The following PCSK2 variants were observed in gnomAD, a reference collection of about 807,000 sequenced individuals.
PCSK2 encodes the protein proprotein convertase subtilisin/kexin type 2, also known as neuroendocrine convertase 2.
PCSK2 carries 14 observed loss-of-function variants against 69.7 expected under a neutral mutation model. The ratio of observed to expected loss-of-function variants is 0.20; its 90% CI spans 0.13 to 0.31. The LOEUF is 0.31. Among genes scored for constraint, PCSK2 ranks in the 10% least tolerant of loss-of-function variants. The pLI is 1.00. For synonymous variants in PCSK2, 307 were observed against 320.7 expected (o/e 0.96, Z 0.46); for missense variants, 544 against 842.5 (o/e 0.65, Z 4.39).
chr20:17,305,585 T>C (rs1218484392), intron 2 of PCSK2, among the ~76,000 whole-genome samples: 1 of 152,198 alleles, frequency 6.6e-6, no homozygotes, highest in Non-Finnish European at 1.5e-5. Flanking sequence ...TGTTTTCTCA[T>C]CTTTAAAATG....
chr20:17,440,624 G>C (rs745346800), intron 8 of PCSK2, among the ~76,000 whole-genome samples: 82 of 152,326 alleles, frequency 5.4e-4, no homozygotes, highest in Non-Finnish European at 8.5e-4. Flanking sequence ...ACTTTGGGGG[G>C]CTAAGGCGGG....
intron 7 of PCSK2, among the ~76,000 whole-genome samples, chr20:17,430,967 C>T (rs571565396): frequency 1.3e-5 from 2 of 152,088 alleles, no homozygotes; most frequent in South Asian, 2.1e-4. Context: ...TCCTTTTTTC[C>T]TCTTCTCTTA....
chr20:17,435,517 G>A (rs2032467201), intron 7 of PCSK2, among the ~76,000 whole-genome samples: 1 of 152,172 alleles, frequency 6.6e-6, no homozygotes, highest in Non-Finnish European at 1.5e-5. Flanking sequence ...TGCCTGGCAA[G>A]GACCTGGGTG....
intron 2 of PCSK2, among the ~76,000 whole-genome samples, chr20:17,323,770 G>A (rs560044937): frequency 6.6e-6 from 1 of 152,318 alleles, no homozygotes; most frequent in South Asian, 2.1e-4. Flanking sequence ...CAGCATTTTT[G>A]TTTATAAGAT....
chr20:17,228,947 C>T (rs931507924), intron 1 of PCSK2, among the ~76,000 whole-genome samples: 7 of 152,154 alleles, frequency 4.6e-5, no homozygotes, highest in African/African-American at 1.7e-4. Flanking sequence ...GGAGGGAGCA[C>T]CCCGCTGTGG....
chr20:17,453,640 G>A lies in PCSK2; in HGVS notation c.886-102G>A, dbSNP rs1034823281. The A allele has an allele frequency of 1.6e-6, 2 of 1,275,520 alleles. No homozygotes were observed. Among genetic ancestry groups the A allele is most frequent in the Admixed American group, 4.0e-5 (2 of 49,800 alleles). The allele number at this position is 1,275,520 out of a possible 1,614,324, so 79.0% of individuals were successfully genotyped here. On this transcript the variant is annotated intron_variant, in intron 8 of 11. Transcript: ENST00000262545. The surrounding 1 kb of genome is among the most constrained non-coding windows in gnomAD (Gnocchi z 4.0). Reference sequence around the variant, plus strand: ...GTTTAAAAAGTGCACCCAGTCTTTAGGTTCAACTGCTGAAGAAGCCCAACC... The same window carrying A: ...GTTTAAAAAGTGCACCCAGTCTTTAAGTTCAACTGCTGAAGAAGCCCAACC...
chr20:17,349,302 G>A (rs1056356968), intron 2 of PCSK2, among the ~76,000 whole-genome samples: 2 of 152,218 alleles, frequency 1.3e-5, no homozygotes, highest in African/African-American at 2.4e-5. Flanking sequence ...ACAGAAGGCA[G>A]CTGTGTGCCT....
At chr20:17,349,557 G>A (rs567587385) in intron 2 of PCSK2, among the ~76,000 whole-genome samples, 1 of 152,198 alleles carries the variant, frequency 6.6e-6, no homozygotes, top group East Asian at 1.9e-4. Flanking sequence ...CCAGGCCAGG[G>A]CCCAGAGGTA....
At chr20:17,369,973 A>G (rs944155439) in intron 5 of PCSK2, among the ~76,000 whole-genome samples, 2 of 152,190 alleles carry the variant, frequency 1.3e-5, no homozygotes, top group African/African-American at 2.4e-5. Context: ...CAAACAAGCA[A>G]TGTTAGCAGA....
At chr20:17,481,388 C>CAAAAAAAAA (rs3076146) in intron 11 of PCSK2, among the ~76,000 whole-genome samples, 196 bp from the exon 12 acceptor site, 17 of 65,686 alleles carry the variant, frequency 2.6e-4, no homozygotes, top group East Asian at 5.5e-4. Context: ...TCTCAAAAGA[C>CAAAAAAAAA]AAAAAAAAAA....
intron 6 of PCSK2, among the ~76,000 whole-genome samples, chr20:17,416,836 G>A (rs1164703188): frequency 1.3e-5 from 2 of 152,148 alleles, no homozygotes. Context: ...AGAATACTGT[G>A]CAGCCATAAA....
At chr20:17,444,056 G>T (rs1281474740) in intron 8 of PCSK2, among the ~76,000 whole-genome samples, 2 of 152,186 alleles carry the variant, frequency 1.3e-5, no homozygotes, top group Non-Finnish European at 2.9e-5. Context: ...TGGAAGTGAG[G>T]GTTCATTGTG....
At chr20:17,257,082 G>GA (rs375081760) in intron 1 of PCSK2, among the ~76,000 whole-genome samples, 6 of 151,356 alleles carry the variant, frequency 4.0e-5, no homozygotes, top group South Asian at 2.1e-4. Flanking sequence ...AAATTTACAA[G>GA]AAAAAAAACC....
Position 17,470,133 on chromosome 20 carries a change from T to C in PCSK2, c.1430+4580T>C, listed in dbSNP as rs73599747. On this transcript the variant is annotated intron_variant, in intron 11 of 11. Transcript: ENST00000262545. ...ACCCAAAGTCAACATGAAATGGGCGTTGACAACTGTTTCCCTTGTTAGAGT... is the reference window on the plus strand; with the variant it reads ...ACCCAAAGTCAACATGAAATGGGCGCTGACAACTGTTTCCCTTGTTAGAGT... 3.9e-5 allele frequency among the ~76,000 whole-genome samples: 6 copies of C among 152,202 alleles called. No homozygotes were observed. In the East Asian group the frequency reaches 1.2e-3, roughly 29 times the overall value.
intron 2 of PCSK2, among the ~76,000 whole-genome samples, chr20:17,341,964 A>G (rs1485942299): frequency 1.3e-5 from 2 of 152,176 alleles, no homozygotes; most frequent in Non-Finnish European, 1.5e-5. Flanking sequence ...GCTGCTGTTC[A>G]GTGAGAACCA....
chr20:17,334,117 T>C (rs536565862), intron 2 of PCSK2, among the ~76,000 whole-genome samples: 35 of 151,600 alleles, frequency 2.3e-4, no homozygotes, highest in African/African-American at 8.0e-4. Flanking sequence ...TGGAATCATT[T>C]CTCCCAGCAT....
chr20:17,461,032 T>C (rs2033006033), intron 10 of PCSK2, among the ~76,000 whole-genome samples: 2 of 152,140 alleles, frequency 1.3e-5, no homozygotes, highest in African/African-American at 4.8e-5. Context: ...CACTGGGCTC[T>C]CGGTGGAACA....
intron 11 of PCSK2, among the ~76,000 whole-genome samples, chr20:17,468,632 GGGTAGCCCACTATA>G (rs2033148643): frequency 6.8e-6 from 1 of 146,442 alleles, no homozygotes; most frequent in African/African-American, 2.6e-5. Context: ...TCCCGTAGAA[GGGTAGCCCACTATA>G]GGTGAGCATC....
In PCSK2 at chr20:17,483,668, T is replaced by C. The variant is rs1413121928; in HGVS notation, c.*1598T>C. On this transcript the variant is annotated 3_prime_UTR_variant, in exon 12 of 12. Coordinates refer to ENST00000262545, the MANE Select transcript of PCSK2 (RefSeq NM_002594.5). Reference sequence around the variant, plus strand: ...CCCATTTGCTTTCTTTTCTCCCATATTGGCATGGATTTCTGTCTTCTCTAA... The same window carrying C: ...CCCATTTGCTTTCTTTTCTCCCATACTGGCATGGATTTCTGTCTTCTCTAA... 6.6e-6 allele frequency: 1 copy of C among 152,474 alleles called. No individual in the cohort carries two copies. Among genetic ancestry groups the C allele is most frequent in the Non-Finnish European group, 1.5e-5 (1 of 68,038 alleles). The allele number at this position is 152,474 out of a possible 1,614,324, so 9.4% of individuals were successfully genotyped here.
Sources: gnomAD v4.1 joint callset for allele counts (sites outside exome capture counted in the v4.1 genomes callset) on GRCh38, gnomAD v4.1.1 for gene constraint, Gnocchi (gnomAD v3.1) non-coding constraint, MANE v1.5 for transcripts, NCBI Gene and HGNC (gene_info 2026-07-23, HGNC 2026-07-21) for gene names.